Variants in HPSE2 observed in about 807,000 individuals in gnomAD.
HPSE2 encodes the protein heparanase 2 (inactive).
A neutral mutation model predicts 60.5 loss-of-function variants in HPSE2; 38 were observed. The ratio of observed to expected loss-of-function variants is 0.63; its 90% CI spans 0.48 to 0.82. HPSE2 has a LOEUF of 0.82. HPSE2 is among the 40% of genes least tolerant of loss of function. The probability of loss-of-function intolerance (pLI) is 0.00; values close to 1 mark genes in which losing one functional copy is unlikely to be tolerated. For synonymous variants in HPSE2, 295 were observed against 293.2 expected (o/e 1.01, Z -0.06); for missense variants, 713 against 740.4 (o/e 0.96, Z 0.43).
chr10:98,668,059 C>A (rs1027186223), intron 6 of HPSE2, among the ~76,000 whole-genome samples: 1 of 152,046 alleles, frequency 6.6e-6, no homozygotes, highest in Admixed American at 6.6e-5. Flanking sequence ...GATAATTGAT[C>A]TCAGTAAAGT....
chr10:98,598,683 C>T (rs1945314259), intron 9 of HPSE2, among the ~76,000 whole-genome samples: 1 of 152,030 alleles, frequency 6.6e-6, no homozygotes, highest in African/African-American at 2.4e-5. Context: ...GGAGGCAGAC[C>T]TGGGTCCTAG....
intron 3 of HPSE2, among the ~76,000 whole-genome samples, chr10:99,002,003 G>A (rs1402684133): frequency 6.6e-6 from 1 of 151,980 alleles, no homozygotes; most frequent in African/African-American, 2.4e-5. Context: ...GATAATAACT[G>A]TGGCTGTGTT....
At chr10:99,255,840 T>G in the HPSE2 span, among the ~76,000 whole-genome samples, 2 of 152,176 alleles carry the variant, frequency 1.3e-5, no homozygotes. Context: ...CATTAGTCCA[T>G]TTTCACACCA....
intron 3 of HPSE2, among the ~76,000 whole-genome samples, chr10:98,797,200 T>C (rs1174269567): frequency 6.6e-6 from 1 of 152,142 alleles, no homozygotes; most frequent in Admixed American, 6.5e-5. Flanking sequence ...AGACAGAGTA[T>C]TCAAAACAGC....
intron 9 of HPSE2, among the ~76,000 whole-genome samples, chr10:98,613,672 T>C (rs12240940): frequency 0.073 from 11,116 of 152,262 alleles, 1,389 homozygotes; most frequent in African/African-American, 0.25. Context: ...GGGCAACAAA[T>C]AGTTCTGTAG....
intron 3 of HPSE2, among the ~76,000 whole-genome samples, chr10:98,765,306 T>A (rs981977078): frequency 3.6e-4 from 55 of 152,308 alleles, no homozygotes; most frequent in African/African-American, 1.3e-3. Context: ...CAAAGTATTT[T>A]ATATGACCAT....
chr10:98,778,264 C>CAGAGACAGAGAGAGAGAGAGAGAG (rs1950385209), intron 3 of HPSE2, among the ~76,000 whole-genome samples: 1 of 112,654 alleles, frequency 8.9e-6, no homozygotes, highest in Non-Finnish European at 1.8e-5. Context: ...GAGAGAGAGA[C>CAGAGACAGAGAGAGAGAGAGAGAG]AGAGAGAGAG....
intron 3 of HPSE2, among the ~76,000 whole-genome samples, chr10:98,949,606 C>G (rs576256072): frequency 1.9e-4 from 29 of 152,180 alleles, no homozygotes; most frequent in South Asian, 2.1e-4. Context: ...CAATTGCACC[C>G]CTTTCTGAAG....
chr10:98,537,992 C>T lies in HPSE2; in HGVS notation c.1321-47796G>A, dbSNP rs115559370. 8.3e-3 allele frequency among the ~76,000 whole-genome samples: 1,259 copies of T among 152,356 alleles called. 14 individuals are homozygous for T. Among genetic ancestry groups the T allele is most frequent in the African/African-American group, 0.029 (1,195 of 41,576 alleles). On this transcript the variant is annotated intron_variant, in intron 9 of 11. Coordinates refer to ENST00000370552, the MANE Select transcript of HPSE2 (RefSeq NM_021828.5). The stretch of plus-strand genomic sequence containing the variant: ...ATAAGTGCAGAGAAGAAAACACTGA[C>T]GTATGCTGCCTTCTCCTCTGCTTCG...
chr10:99,276,594 CT>C, the HPSE2 span, among the ~76,000 whole-genome samples: 86 of 151,960 alleles, frequency 5.7e-4, 1 homozygote, highest in Admixed American at 5.6e-3. Flanking sequence ...CTTTTTACAT[CT>C]TTTTTTTAAT....
intron 3 of HPSE2, among the ~76,000 whole-genome samples, chr10:98,984,233 G>T (rs943750029): frequency 6.6e-6 from 1 of 152,170 alleles, no homozygotes; most frequent in Non-Finnish European, 1.5e-5. Flanking sequence ...CTAAATCGGA[G>T]GCACCCCCCA....
At chr10:99,183,109 C>T (rs1847841233) in intron 2 of HPSE2, among the ~76,000 whole-genome samples, 1 of 152,124 alleles carries the variant, frequency 6.6e-6, no homozygotes, top group Non-Finnish European at 1.5e-5. Context: ...TCAATGCCTA[C>T]AGACAGTTTT....
intron 9 of HPSE2, among the ~76,000 whole-genome samples, chr10:98,539,220 C>G (rs1334261354): frequency 6.6e-6 from 1 of 152,154 alleles, no homozygotes; most frequent in Non-Finnish European, 1.5e-5. Context: ...GACACTTACC[C>G]TTCCTTAAAA....
chr10:98,553,448 C>T (rs1943916478), intron 9 of HPSE2, among the ~76,000 whole-genome samples: 2 of 152,178 alleles, frequency 1.3e-5, no homozygotes, highest in Non-Finnish European at 2.9e-5. Flanking sequence ...TGTTCAGTCT[C>T]ACCAAATCCC....
At chr10:98,856,223 C>A (rs1659770875) in intron 3 of HPSE2, among the ~76,000 whole-genome samples, 1 of 152,118 alleles carries the variant, frequency 6.6e-6, no homozygotes, top group Non-Finnish European at 1.5e-5. Context: ...GAAAAACAAT[C>A]CCCTAACAAG....
At chr10:99,099,446 G>C (rs1843856931) in intron 3 of HPSE2, among the ~76,000 whole-genome samples, 2 of 152,220 alleles carry the variant, frequency 1.3e-5, no homozygotes, top group South Asian at 4.1e-4. Flanking sequence ...GGCTGGGGGA[G>C]GGGTGACCGC....
intron 11 of HPSE2, among the ~76,000 whole-genome samples, chr10:98,471,646 T>G (rs1940785057): frequency 6.6e-6 from 1 of 152,058 alleles, no homozygotes; most frequent in South Asian, 2.1e-4. Context: ...CTTCGCTGGA[T>G]GTCTTGCCCC....
At chr10:98,755,640 T>A (rs1275095746) in intron 3 of HPSE2, among the ~76,000 whole-genome samples, 1 of 152,134 alleles carries the variant, frequency 6.6e-6, no homozygotes, top group Non-Finnish European at 1.5e-5. Context: ...TTCAAAAAAA[T>A]TTTAAAAAAT....
chr10:99,266,368 G>A, the HPSE2 span, among the ~76,000 whole-genome samples: 6 of 152,092 alleles, frequency 3.9e-5, no homozygotes, highest in African/African-American at 1.4e-4. Context: ...GGCCTATAAT[G>A]CTGGCTTTCT....
Sources: gnomAD v4.1 joint callset for allele counts (sites outside exome capture counted in the v4.1 genomes callset) on GRCh38, gnomAD v4.1.1 for gene constraint, MANE v1.5 for transcripts, NCBI Gene and HGNC (gene_info 2026-07-23, HGNC 2026-07-21) for gene names.